Variants in COG2 observed in about 807,000 individuals in gnomAD.
COG2 encodes component of oligomeric golgi complex 2.
A neutral mutation model predicts 90.6 loss-of-function variants in COG2; 52 were observed. That is an observed-to-expected ratio of 0.57 (90% CI 0.46 to 0.72). The LOEUF is 0.72. Ranked by LOEUF, COG2 falls within the 30% of genes least tolerant of loss-of-function variation. The pLI is 0.00. For synonymous variants in COG2, 337 were observed against 320.4 expected, an observed-to-expected ratio of 1.05 and a Z score of -0.55; for missense variants, 829 against 891.2, an observed-to-expected ratio of 0.93 and a Z score of 0.89.
intron 7 of COG2, chr1:230,670,980 G>A (rs1175299091): frequency 6.6e-6 from 1 of 151,426 alleles, no homozygotes. Context: ...CTAAATTAAA[G>A]AACTATTTGA....
chr1:230,657,181 G>A (rs1473641713), intron 1 of COG2, among the ~76,000 whole-genome samples: 3 of 136,660 alleles, frequency 2.2e-5, no homozygotes, highest in Admixed American at 1.5e-4. Flanking sequence ...TTTACAATTT[G>A]CAATGTTTTT....
intron 1 of COG2, among the ~76,000 whole-genome samples, chr1:230,649,301 A>G (rs892876957): frequency 5.9e-5 from 9 of 152,172 alleles, no homozygotes; most frequent in Non-Finnish European, 1.0e-4. Context: ...TCATGTGTCA[A>G]TGGAGCCACC....
At chr1:230,668,290 G>C (rs1662365421) in intron 5 of COG2, among the ~76,000 whole-genome samples, 1 of 152,040 alleles carries the variant, frequency 6.6e-6, no homozygotes, top group African/African-American at 2.4e-5. Flanking sequence ...GAGGGAAATA[G>C]AAGGGAGGTT....
chr1:230,647,206 A>C (rs1661809020), intron 1 of COG2, among the ~76,000 whole-genome samples: 1 of 152,134 alleles, frequency 6.6e-6, no homozygotes, highest in Non-Finnish European at 1.5e-5. Flanking sequence ...GTTTCTATTG[A>C]TTAGTAGCTA....
chr1:230,678,352 G>A (rs1662649223), intron 9 of COG2: 1 of 985,414 alleles, frequency 1.0e-6, no homozygotes, highest in Non-Finnish European at 1.2e-6. Context: ...GGGTCGTTTT[G>A]TGGGTTAAAT....
Position 230,691,388 on chromosome 1 carries a change from T to C in COG2, c.1939T>C (p.Tyr647His). 6.2e-7 allele frequency: 1 copy of C among 1,611,588 alleles called. No homozygotes were observed. Among genetic ancestry groups the C allele is most frequent in the Non-Finnish European group, 8.5e-7 (1 of 1,178,938 alleles). ...TAAACGTGTCTTCTATTCAAGGTAC[T>C]ATGAAACCGTGTCAGATGTATTAAA... ...GTLSESTHKY[Y>H]ETVSDVLNSV... Residue 647 changes from tyrosine (Y) to histidine (H), a missense_variant, in exon 17 of 18, where the codon TAT becomes CAT. Transcript: ENST00000366669.
intron 16 of COG2, 96 bp from the exon 17 acceptor site, chr1:230,691,288 T>A: frequency 8.8e-7 from 1 of 1,133,504 alleles, no homozygotes; most frequent in Non-Finnish European, 1.2e-6. Flanking sequence ...AATTTTTATC[T>A]TAAAAATCTC....
In COG2 at chr1:230,642,660, C is replaced by A. The variant is rs768848360; in HGVS notation, c.54C>A (p.Asp18Glu). The change falls in exon 1 of 18, where the codon GAC becomes GAA. Residue 18 changes from aspartate to glutamate, a missense_variant. Coordinates refer to ENST00000366669, the MANE Select transcript of COG2 (RefSeq NM_007357.3). ...AGGGGCCGGACACGCTCTGCTTCGA[C>A]AAGGACGAGTTCATGAAGGTGCGCG... ...LPKGPDTLCF[D>E]KDEFMKEDFD... The A allele has an allele frequency of 6.8e-6, 11 of 1,612,886 alleles. No homozygotes were observed. The highest frequency in any genetic ancestry group is 1.3e-5 in the African/African-American group (1 of 74,888).
chr1:230,693,377 C>T lies in COG2; in HGVS notation c.2201C>T (p.Thr734Ile). The T allele has an allele frequency of 6.2e-7, 1 of 1,611,386 alleles. No homozygotes were observed. Among genetic ancestry groups the T allele is most frequent in the Non-Finnish European group, 8.5e-7 (1 of 1,178,012 alleles). The change falls in exon 18 of 18, where the codon ACA becomes ATA. Residue 734 changes from threonine (T) to isoleucine (I), a missense_variant. Thr to Ile is a moderately conservative substitution (Grantham distance 89, BLOSUM62 -1). Transcript: ENST00000366669. ...ELVAAAKDQA[T>I]AEQP ...GTTGCTGCTGCCAAGGACCAGGCAA[C>T]AGCAGAGCAGCCTTAAGCATCTTGG... is the stretch of plus-strand genomic sequence containing the variant.
intron 2 of COG2, 30 bp downstream of exon 2, chr1:230,659,655 A>G (rs1161884334): frequency 3.1e-6 from 5 of 1,597,218 alleles, no homozygotes; most frequent in East Asian, 2.2e-5. Context: ...TCCCATTTAC[A>G]TACATACAAT....
At chr1:230,649,375 T>C (rs1002761869) in intron 1 of COG2, among the ~76,000 whole-genome samples, 14 of 152,170 alleles carry the variant, frequency 9.2e-5, no homozygotes, top group Admixed American at 2.0e-4. Flanking sequence ...AGGGACGTTT[T>C]TGCCCATAGC....
chr1:230,654,980 C>G (rs1352962787), intron 1 of COG2, among the ~76,000 whole-genome samples: 1 of 152,136 alleles, frequency 6.6e-6, no homozygotes, highest in Non-Finnish European at 1.5e-5. Flanking sequence ...TGCTTATCAG[C>G]TTAAGGAGAT....
intron 10 of COG2, chr1:230,680,069 G>C (rs1662703142): frequency 6.6e-6 from 1 of 152,168 alleles, no homozygotes; most frequent in East Asian, 1.9e-4. Flanking sequence ...TCATCATGTA[G>C]TTGGTCTCTC....
At chr1:230,689,237 A>C (rs1183779383) in intron 15 of COG2, among the ~76,000 whole-genome samples, 1 of 152,166 alleles carries the variant, frequency 6.6e-6, no homozygotes, top group Admixed American at 6.5e-5. Flanking sequence ...ACTATACTGA[A>C]GGATGTGCAT....
rs1662733809 is a variant in COG2, at chr1:230,681,049, AGCCAC to A, written c.1166+1998_1166+2002del. The A allele has an allele frequency of 2.0e-5, 3 of 152,202 alleles. No individual in the cohort carries two copies. In the South Asian group the frequency reaches 6.2e-4, roughly 31 times the overall value. 9.4% of individuals were successfully genotyped at this position (152,202 alleles called of 1,614,324 possible). A position where few individuals can be genotyped will look rare whatever the true frequency, so the allele number is the denominator to read the frequency against. ...AGGAAAAAGGCCACCTCCCCACCCC[AGCCAC>A]CACCACAATTCTTGTGAACACATTT... On this transcript the variant is annotated intron_variant, in intron 10 of 17. Transcript: ENST00000366669.
At chr1:230,661,372 A>C (rs1457147823) in intron 3 of COG2, 2 of 152,178 alleles carry the variant, frequency 1.3e-5, no homozygotes, top group East Asian at 3.8e-4. Flanking sequence ...GCCATTGGAG[A>C]CAGGGACTCC....
chr1:230,688,232 C>T (rs1662932782), intron 14 of COG2, 89 bp downstream of exon 14: 5 of 1,203,206 alleles, frequency 4.2e-6, no homozygotes, highest in Non-Finnish European at 4.7e-6. Context: ...TTAACATTTT[C>T]TTCTGTAGTT....
At position 230,663,160 on chromosome 1, in the gene COG2, G is replaced by C. The variant is rs372658132; in HGVS notation, c.320G>C (p.Ser107Thr). ...EEVLSLRSSV[S>T]EGIRAVDERM... is the part of the protein sequence containing the mutation. The stretch of plus-strand genomic sequence containing the variant: ...TTAAAGAGCCTTAGATCGTCTGTCA[G>C]TGAAGGAATTCGGGCAGTTGATGAA... Residue 107 changes from serine to threonine, a missense_variant, in exon 4 of 18, where the codon AGT becomes ACT. By Grantham distance (58) the Ser-to-Thr change is moderately conservative. Coordinates refer to ENST00000366669, the MANE Select transcript of COG2 (RefSeq NM_007357.3). 12 of 1,609,492 alleles carry C rather than the reference G, an allele frequency of 7.5e-6. No individual in the cohort carries two copies. The highest frequency in any genetic ancestry group is 1.0e-5 in the Non-Finnish European group (12 of 1,177,900).
rs752620342 is a variant in COG2 at position 230,688,477 on chromosome 1, A to G, written c.1709A>G (p.Lys570Arg). 15 of 1,614,000 alleles carry G rather than the reference A, an allele frequency of 9.3e-6. No individual in the cohort carries two copies. The Admixed American group carries it at 1.0e-4, about 11-fold the overall frequency. Reference protein sequence around the residue: ...FSACVPSLSSKIIQDLSDSCF... With the variant: ...FSACVPSLSSRIIQDLSDSCF... ...GCCTGTGTGCCCTCCTTGAGTAGCA[A>G]GATCATCCAGGATTTAAGTGACTCT... The change falls in exon 15 of 18, where the codon AAG becomes AGG. Residue 570 changes from lysine (K) to arginine (R), a missense_variant. Lys to Arg is a conservative substitution (Grantham distance 26, BLOSUM62 2). Coordinates refer to ENST00000366669, the MANE Select transcript of COG2 (RefSeq NM_007357.3).
Sources: gnomAD v4.1 joint callset for allele counts (sites outside exome capture counted in the v4.1 genomes callset) on GRCh38, gnomAD v4.1.1 for gene constraint, MANE v1.5 for transcripts, NCBI Gene and HGNC (gene_info 2026-07-23, HGNC 2026-07-21) for gene names.